Variants in PCCA observed in about 807,000 individuals in gnomAD.
PCCA encodes propionyl-CoA carboxylase alpha chain, mitochondrial.
A neutral mutation model predicts 101.3 loss-of-function variants in PCCA; 74 were observed. The ratio of observed to expected loss-of-function variants is 0.73; its 90% CI spans 0.61 to 0.89. The LOEUF (loss-of-function observed/expected upper bound fraction) is 0.89. PCCA is among the 40% of genes least tolerant of loss of function. The probability of loss-of-function intolerance (pLI) is 0.00; values close to 1 mark genes in which losing one functional copy is unlikely to be tolerated. For missense variants in PCCA, 891 were observed against 907.0 expected (o/e 0.98, Z 0.23); for synonymous variants, 294 against 313.6 (o/e 0.94, Z 0.66).
chr13:100,229,122 T>TTTC (rs1271702775), intron 7 of PCCA, among the ~76,000 whole-genome samples: 1 of 151,552 alleles, frequency 6.6e-6, no homozygotes, highest in Admixed American at 6.6e-5. Context: ...AATTATGGAG[T>TTTC]AGAACTATAT....
At chr13:100,378,774 C>T (rs567329613) in intron 19 of PCCA, among the ~76,000 whole-genome samples, 4 of 151,994 alleles carry the variant, frequency 2.6e-5, no homozygotes, top group Non-Finnish European at 5.9e-5. Context: ...CAGAATGTGT[C>T]TGATTCTTTT....
In PCCA at chr13:100,273,253, C is replaced by T. The variant is rs2063425317; in HGVS notation, c.972C>T (p.Ala324=). ...RAMGEQAVAL[A]RAVKYSSAGT... is the part of the protein sequence containing the mutation. ...TGGGAGAACAAGCTGTAGCTCTTGC[C>T]AGAGCAGTAAAATATTCCTCTGCTG... Residue 324 remains alanine (A), a synonymous_variant, in exon 12 of 24, where the codon GCC becomes GCT. Transcript: ENST00000376285. 2 of 1,609,372 alleles carry T rather than the reference C, an allele frequency of 1.2e-6. No homozygotes were observed. The highest frequency in any genetic ancestry group is 1.1e-5 in the South Asian group (1 of 90,996).
At chr13:100,101,932 G>A (rs570848070) in intron 1 of PCCA, among the ~76,000 whole-genome samples, 1 of 152,248 alleles carries the variant, frequency 6.6e-6, no homozygotes, top group East Asian at 1.9e-4. Context: ...AAATTTTTCA[G>A]TTCATTTAAA....
intron 17 of PCCA, among the ~76,000 whole-genome samples, chr13:100,336,057 GT>G (rs1181269907): frequency 6.6e-6 from 1 of 152,184 alleles, no homozygotes; most frequent in Non-Finnish European, 1.5e-5. Context: ...GAAGTCAGGA[GT>G]TTGAGACCAG....
chr13:100,522,318 CAA>C (rs1241136772), intron 22 of PCCA, among the ~76,000 whole-genome samples: 20 of 152,302 alleles, frequency 1.3e-4, no homozygotes, highest in Admixed American at 1.1e-3. Context: ...ATGTGGGTTT[CAA>C]AACCTGTGTT....
chr13:100,458,349 G>T (rs1413920898), intron 21 of PCCA, among the ~76,000 whole-genome samples: 8 of 60,268 alleles, frequency 1.3e-4, no homozygotes, highest in South Asian at 7.1e-4. Flanking sequence ...ACACACAGTG[G>T]GACCCCATCT....
At chr13:100,385,372 A>G (rs2076441717) in intron 19 of PCCA, among the ~76,000 whole-genome samples, 1 of 152,218 alleles carries the variant, frequency 6.6e-6, no homozygotes, top group East Asian at 1.9e-4. Context: ...TTTGCAGTTC[A>G]TTTTAGTCAC....
chr13:100,271,712 G>A (rs1004645260), intron 11 of PCCA, among the ~76,000 whole-genome samples: 1 of 152,200 alleles, frequency 6.6e-6, no homozygotes, highest in Non-Finnish European at 1.5e-5. Flanking sequence ...GATATTAAAT[G>A]CTTTTAAGGA....
intron 4 of PCCA, among the ~76,000 whole-genome samples, chr13:100,120,200 A>C: frequency 7.2e-6 from 1 of 139,220 alleles, no homozygotes; most frequent in African/African-American, 2.8e-5. Flanking sequence ...TTTTTTTGAG[A>C]CAGAGCCTTA....
chr13:100,311,952 G>A (rs532725856), intron 16 of PCCA, among the ~76,000 whole-genome samples: 172 of 152,200 alleles, frequency 1.1e-3, no homozygotes, highest in Non-Finnish European at 1.9e-3. Context: ...AGAATTTACC[G>A]TCACTGTAAA....
chr13:100,359,890 C>T (rs2074375526), intron 18 of PCCA, among the ~76,000 whole-genome samples: 1 of 152,164 alleles, frequency 6.6e-6, no homozygotes, highest in Admixed American at 6.5e-5. Flanking sequence ...TCAATGCAGG[C>T]CCGATAGTAA....
At chr13:100,372,794 C>T (rs1176828751) in intron 19 of PCCA, among the ~76,000 whole-genome samples, 1 of 152,196 alleles carries the variant, frequency 6.6e-6, no homozygotes, top group Non-Finnish European at 1.5e-5. Flanking sequence ...GGCTAAAGTG[C>T]AGTGGCACAA....
intron 7 of PCCA, among the ~76,000 whole-genome samples, chr13:100,222,834 A>C (rs2059903806): frequency 6.6e-6 from 1 of 152,178 alleles, no homozygotes; most frequent in African/African-American, 2.4e-5. Context: ...TTCTCCTTCA[A>C]ACATTTGTTC....
At chr13:100,350,806 C>T (rs2073174164) in intron 18 of PCCA, among the ~76,000 whole-genome samples, 1 of 152,080 alleles carries the variant, frequency 6.6e-6, no homozygotes, top group African/African-American at 2.4e-5. Context: ...GCTGTTGCAC[C>T]CCACTGGCAA....
intron 21 of PCCA, among the ~76,000 whole-genome samples, chr13:100,476,592 CTCAT>C (rs1431624244): frequency 1.3e-5 from 2 of 152,192 alleles, no homozygotes; most frequent in Non-Finnish European, 2.9e-5. Context: ...GATCCATTTA[CTCAT>C]TCATTTATCC....
intron 4 of PCCA, among the ~76,000 whole-genome samples, chr13:100,145,292 G>A (rs2052395167): frequency 6.6e-6 from 1 of 152,110 alleles, no homozygotes; most frequent in South Asian, 2.1e-4. Flanking sequence ...TGTCATGGGC[G>A]ACTGTCCTGC....
intron 19 of PCCA, among the ~76,000 whole-genome samples, chr13:100,402,492 A>T (rs2077424832): frequency 6.6e-6 from 1 of 152,206 alleles, no homozygotes; most frequent in Admixed American, 6.5e-5. Flanking sequence ...CTTATCAAGG[A>T]TCTGTCGTTC....
At chr13:100,143,558 A>AAAAAT (rs2152349787) in intron 4 of PCCA, among the ~76,000 whole-genome samples, 1 of 151,802 alleles carries the variant, frequency 6.6e-6, no homozygotes, top group South Asian at 2.1e-4. Context: ...AAATAAAAAA[A>AAAAAT]AAAAATAAAA....
At chr13:100,332,059 G>A (rs964907333) in intron 17 of PCCA, among the ~76,000 whole-genome samples, 6 of 150,562 alleles carry the variant, frequency 4.0e-5, no homozygotes, top group South Asian at 2.1e-4. Context: ...CTGCCGCAGC[G>A]TCCCAAGTAG....
Sources: allele counts gnomAD v4.1 joint callset (sites outside exome capture counted in the v4.1 genomes callset), GRCh38; gene constraint gnomAD v4.1.1; transcripts MANE v1.5; gene names NCBI Gene and HGNC (gene_info 2026-07-23, HGNC 2026-07-21).